TENM2: variants seen among roughly 807,000 people sequenced by gnomAD.
TENM2 encodes the protein teneurin-2.
TENM2 carries 52 observed loss-of-function variants against 245.2 expected under a neutral mutation model. The ratio of observed to expected loss-of-function variants is 0.21; its 90% confidence interval spans 0.17 to 0.27. TENM2 has a LOEUF of 0.27. Ranked by LOEUF, TENM2 falls within the 10% of genes least tolerant of loss-of-function variation. The pLI is 1.00. For synonymous variants in TENM2, 1,363 were observed against 1,438.9 expected (o/e 0.95, Z 1.19); for missense variants, 3,046 against 3,666.8 (o/e 0.83, Z 4.37).
chr5:167,884,993 T>C (rs944100658), intron 3 of TENM2, among the ~76,000 whole-genome samples: 4 of 152,224 alleles, frequency 2.6e-5, no homozygotes, highest in African/African-American at 9.6e-5. Flanking sequence ...GATTTGCATT[T>C]CTCTAATGAT....
At chr5:167,562,935 C>A (rs1207462355) in intron 2 of TENM2, among the ~76,000 whole-genome samples, 5 of 133,584 alleles carry the variant, frequency 3.7e-5, no homozygotes, top group African/African-American at 5.8e-5. Context: ...CCAGCCTGGG[C>A]AACAAGAGCG....
chr5:168,092,014 C>T (rs930300071), intron 8 of TENM2, among the ~76,000 whole-genome samples: 15 of 152,080 alleles, frequency 9.9e-5, no homozygotes, highest in Non-Finnish European at 5.9e-5. Flanking sequence ...AAGTGACATC[C>T]GATTATTTTT....
intron 2 of TENM2, among the ~76,000 whole-genome samples, chr5:167,658,168 C>A (rs1223122193): frequency 6.6e-6 from 1 of 151,556 alleles, no homozygotes; most frequent in African/African-American, 2.4e-5. Flanking sequence ...TTGCTGTGTC[C>A]TCACATGGCA....
intron 2 of TENM2, among the ~76,000 whole-genome samples, chr5:167,750,644 T>C (rs1396871436): frequency 6.6e-6 from 1 of 152,120 alleles, no homozygotes; most frequent in African/African-American, 2.4e-5. Flanking sequence ...TCTGGGAGCC[T>C]TTTTGAATAT....
rs371247926 is a variant in TENM2, at chr5:168,062,302, A to T, written c.1515+37A>T. On this transcript the variant is annotated intron_variant, in intron 7 of 28. Transcript: ENST00000518659. ...TTTGATGTAATCAAGCATTTAAAAAAATATATACGTATATATGTGTGTGTG... is the reference window on the plus strand; with the variant it reads ...TTTGATGTAATCAAGCATTTAAAAATATATATACGTATATATGTGTGTGTG... 1.1e-4 allele frequency: 167 copies of T among 1,550,826 alleles called. No individual in the cohort carries two copies. The African/African-American group carries it at 1.6e-3, about 15-fold the overall frequency.
chr5:167,094,918 A>C, the TENM2 span, among the ~76,000 whole-genome samples: 1 of 152,214 alleles, frequency 6.6e-6, no homozygotes, highest in African/African-American at 2.4e-5. Flanking sequence ...TAAACATCAT[A>C]TGGGCTTCTA....
At chr5:167,393,820 T>C (rs561111422) in intron 2 of TENM2, among the ~76,000 whole-genome samples, 65 of 152,302 alleles carry the variant, frequency 4.3e-4, no homozygotes, top group Admixed American at 1.0e-3. Context: ...TGACAGTGTC[T>C]GTCTGGGACA....
the TENM2 span, among the ~76,000 whole-genome samples, chr5:167,153,154 G>A: frequency 6.6e-6 from 1 of 151,184 alleles, no homozygotes; most frequent in Non-Finnish European, 1.5e-5. Context: ...ACAGTGCAGG[G>A]GTTAGGAGCA....
chr5:167,215,132 C>T, the TENM2 span, among the ~76,000 whole-genome samples: 1 of 152,162 alleles, frequency 6.6e-6, no homozygotes, highest in African/African-American at 2.4e-5. Flanking sequence ...AGATGCAGTT[C>T]ATATAGTGCT....
chr5:168,076,188 ATTTTATTTTATTTTATTTTATTT>A (rs1791454111), intron 7 of TENM2, among the ~76,000 whole-genome samples: 1 of 22,096 alleles, frequency 4.5e-5, no homozygotes, highest in Non-Finnish European at 8.8e-5. Flanking sequence ...ATTTTATTTT[ATTTTATTTTATTTTATTTTATTT>A]TATTTTATTT....
chr5:167,670,542 A>C (rs1755866486), intron 2 of TENM2, among the ~76,000 whole-genome samples: 1 of 152,066 alleles, frequency 6.6e-6, no homozygotes, highest in African/African-American at 2.4e-5. Flanking sequence ...AGACTCAGGA[A>C]ACAATCATTC....
chr5:167,631,178 A>T (rs1240978489), intron 2 of TENM2, among the ~76,000 whole-genome samples: 2 of 152,194 alleles, frequency 1.3e-5, no homozygotes, highest in Non-Finnish European at 2.9e-5. Flanking sequence ...AGAAAAAAAA[A>T]GTCAGTAAGC....
At chr5:167,468,668 T>C (rs546722486) in intron 2 of TENM2, among the ~76,000 whole-genome samples, 1 of 152,362 alleles carries the variant, frequency 6.6e-6, no homozygotes, top group East Asian at 1.9e-4. Context: ...ATTCTCTTTT[T>C]ATGATGGAAC....
chr5:167,924,675 C>T (rs571897694), intron 3 of TENM2, among the ~76,000 whole-genome samples: 5 of 152,294 alleles, frequency 3.3e-5, no homozygotes, highest in South Asian at 4.2e-4. Flanking sequence ...GCATTAGAAG[C>T]GCCTGGAGAG....
intron 2 of TENM2, among the ~76,000 whole-genome samples, chr5:167,394,658 A>C (rs1363490): frequency 0.33 from 49,747 of 151,660 alleles, 8,508 homozygotes; most frequent in African/African-American, 0.44. Flanking sequence ...CAGTGGTGTG[A>C]TCTCGGCTTA....
chr5:167,642,835 C>G (rs1481482914), intron 2 of TENM2, among the ~76,000 whole-genome samples: 1 of 152,152 alleles, frequency 6.6e-6, no homozygotes, highest in Non-Finnish European at 1.5e-5. Context: ...ACCAAGCCCC[C>G]CTTAGCATGT....
At position 168,203,685 on chromosome 5, in the gene TENM2, T is replaced by C. The variant is rs1478455912; in HGVS notation, c.3431-4T>C. 6.3e-7 allele frequency: 1 copy of C among 1,598,446 alleles called. No individual in the cohort carries two copies. Among genetic ancestry groups the C allele is most frequent in the East Asian group, 2.2e-5 (1 of 44,524 alleles). On this transcript the variant is annotated splice_region_variant and splice_polypyrimidine_tract_variant and intron_variant, in intron 17 of 28. Coordinates refer to ENST00000518659, the Ensembl canonical transcript of TENM2. ...CACTCTGCCCCACCCCTTTTATCTT[T>C]CAGTGTCTGTCGGGTTTGAATATGA... is the stretch of plus-strand genomic sequence containing the variant.
intron 6 of TENM2, among the ~76,000 whole-genome samples, chr5:168,051,150 C>T (rs926255313): frequency 6.6e-6 from 1 of 152,156 alleles, no homozygotes; most frequent in African/African-American, 2.4e-5. Flanking sequence ...GCGCATCATA[C>T]GTACCCAATT....
intron 2 of TENM2, among the ~76,000 whole-genome samples, chr5:167,644,675 T>C (rs1278591384): frequency 6.6e-6 from 1 of 152,152 alleles, no homozygotes; most frequent in Non-Finnish European, 1.5e-5. Flanking sequence ...AAGTAACTTG[T>C]CCAAAATCAC....
Sources: gnomAD v4.1 joint callset for allele counts (sites outside exome capture counted in the v4.1 genomes callset) on GRCh38, gnomAD v4.1.1 for gene constraint, MANE v1.5 for transcripts, NCBI Gene and HGNC (gene_info 2026-07-23, HGNC 2026-07-21) for gene names.